The following WWOX variants were observed in gnomAD, a reference collection of about 807,000 sequenced individuals.
The protein encoded by WWOX is WW domain containing oxidoreductase.
WWOX carries 69 observed loss-of-function variants against 46.2 expected under a neutral mutation model. The observed-to-expected ratio is 1.49, with a 90% CI of 1.23 to 1.82. WWOX has a LOEUF of 1.82. Ranked by LOEUF, WWOX falls within the 40% of genes most tolerant of loss-of-function variation. The pLI is 0.00. For synonymous variants in WWOX, 359 were observed against 202.6 expected, an observed-to-expected ratio of 1.77 and a Z score of -6.56; for missense variants, 919 against 542.6, an observed-to-expected ratio of 1.69 and a Z score of -6.89.
intron 3 of WWOX, among the ~76,000 whole-genome samples, chr16:78,112,520 T>C (rs908982729): frequency 3.3e-5 from 5 of 152,118 alleles, no homozygotes; most frequent in African/African-American, 1.2e-4. Flanking sequence ...CAGGCCACCA[T>C]AGGCAGCCCC....
intron 8 of WWOX, among the ~76,000 whole-genome samples, chr16:79,156,495 C>T (rs1168582654): frequency 2.6e-5 from 4 of 152,154 alleles, no homozygotes; most frequent in African/African-American, 7.2e-5. Flanking sequence ...AAATATTACA[C>T]AGGTGGGTTC....
At position 78,741,951 on chromosome 16, in the gene WWOX, T is replaced by C. The variant is rs143101618; in HGVS notation, c.1056+309199T>C. ...TTTTTTAGCAAAAGGATGTTCCACA[T>C]TTAACTGGACATTATCTCTGTCTCT... On this transcript the variant is annotated intron_variant, in intron 8 of 8. Transcript: ENST00000566780. 1.2e-3 allele frequency among the ~76,000 whole-genome samples: 186 copies of C among 152,314 alleles called. 2 individuals are homozygous for C. The East Asian group carries it at 0.032, about 26-fold the overall frequency.
In WWOX at chr16:78,980,503, C is replaced by T. The variant is rs181118825; in HGVS notation, c.1057-231105C>T. 3.6e-3 allele frequency among the ~76,000 whole-genome samples: 543 copies of T among 152,288 alleles called. 4 individuals are homozygous for T. Among genetic ancestry groups the T allele is most frequent in the African/African-American group, 0.013 (531 of 41,568 alleles). On this transcript the variant is annotated intron_variant, in intron 8 of 8. Coordinates refer to ENST00000566780, the MANE Select transcript of WWOX (RefSeq NM_016373.4). Reference sequence around the variant, plus strand: ...TGCCGCAGTTAATTAAATTGACTGCCTGGCAATCCAGTCTCAATTAAAATA... The same window carrying T: ...TGCCGCAGTTAATTAAATTGACTGCTTGGCAATCCAGTCTCAATTAAAATA...
At chr16:78,536,473 C>T (rs1273232302) in intron 8 of WWOX, among the ~76,000 whole-genome samples, 1 of 151,990 alleles carries the variant, frequency 6.6e-6, no homozygotes, top group African/African-American at 2.4e-5. Flanking sequence ...GCTGGGTTCT[C>T]TCTGCTTTAG....
chr16:78,900,912 A>G (rs1168660853), intron 8 of WWOX, among the ~76,000 whole-genome samples: 2 of 151,648 alleles, frequency 1.3e-5, no homozygotes, highest in Non-Finnish European at 2.9e-5. Context: ...GATTCATCCC[A>G]TATTCTCTTT....
intron 6 of WWOX, among the ~76,000 whole-genome samples, chr16:78,420,651 A>ATGGT (rs75985674): frequency 0.024 from 3,326 of 139,136 alleles, 122 homozygotes; most frequent in East Asian, 0.1. Context: ...GTGATTGCTA[A>ATGGT]TTTTTTTTTT....
intron 3 of WWOX, 131 bp from the exon 4 acceptor site, chr16:78,114,845 A>C: frequency 8.8e-7 from 1 of 1,133,068 alleles, no homozygotes; most frequent in Non-Finnish European, 1.3e-6. Context: ...AGTGGGCCCC[A>C]GTTCTTTCAG....
intron 8 of WWOX, among the ~76,000 whole-genome samples, chr16:79,180,217 A>AGG (rs1475809654): frequency 2.0e-5 from 3 of 151,908 alleles, no homozygotes; most frequent in East Asian, 1.9e-4. Context: ...AGAGAGAGAG[A>AGG]TCAGTAATTT....
At chr16:78,187,399 T>A (rs2035743611) in intron 5 of WWOX, among the ~76,000 whole-genome samples, 1 of 152,112 alleles carries the variant, frequency 6.6e-6, no homozygotes, top group African/African-American at 2.4e-5. Flanking sequence ...TCACTTGAGG[T>A]CGGGAGTTCT....
Position 78,645,599 on chromosome 16 carries a change from A to G in WWOX, c.1056+212847A>G, listed in dbSNP as rs566758256. Among the ~76,000 whole-genome samples the G allele has an allele frequency of 3.3e-5, 5 of 152,184 alleles. No individual in the cohort carries two copies. The East Asian group carries it at 5.8e-4, about 18-fold the overall frequency. ...CAGCATGTTCAGAGAACATATAGGG[A>G]GAAAGGGAGCAAGAGAGGGGAGGGG... On this transcript the variant is annotated intron_variant, in intron 8 of 8. Transcript: ENST00000566780.
intron 8 of WWOX, among the ~76,000 whole-genome samples, chr16:78,836,569 A>T (rs2051990845): frequency 6.6e-6 from 1 of 152,184 alleles, no homozygotes; most frequent in Non-Finnish European, 1.5e-5. Flanking sequence ...GAGAATGAGC[A>T]TTCCTCAGTT....
At chr16:78,934,209 A>G (rs1410675191) in intron 8 of WWOX, among the ~76,000 whole-genome samples, 1 of 151,648 alleles carries the variant, frequency 6.6e-6, no homozygotes, top group Non-Finnish European at 1.5e-5. Flanking sequence ...ATGGTGGCAC[A>G]TCCCTGTAAT....
chr16:78,923,799 T>G lies in WWOX; in HGVS notation c.1057-287809T>G, dbSNP rs868436135. 3.5e-3 allele frequency among the ~76,000 whole-genome samples: 485 copies of G among 138,938 alleles called. 7 individuals are homozygous for G. Among genetic ancestry groups the G allele is most frequent in the Middle Eastern group, 0.018 (5 of 280 alleles). The allele number at this position is 138,938 out of a possible 152,430, so 91.1% of individuals were successfully genotyped here. A position where few individuals can be genotyped will look rare whatever the true frequency, so the allele number is the denominator to read the frequency against. ...CTAGGAACTGTTTTTAGTTAGTTTTTTTTTTTTTTTTTTTTTTTCAGACGG... is the reference window on the plus strand; with the variant it reads ...CTAGGAACTGTTTTTAGTTAGTTTTGTTTTTTTTTTTTTTTTTTCAGACGG... On this transcript the variant is annotated intron_variant, in intron 8 of 8. Coordinates refer to ENST00000566780, the MANE Select transcript of WWOX (RefSeq NM_016373.4).
intron 8 of WWOX, among the ~76,000 whole-genome samples, chr16:78,679,824 C>T (rs998483472): frequency 2.6e-5 from 4 of 152,212 alleles, no homozygotes; most frequent in Non-Finnish European, 5.9e-5. Context: ...AAGAGACACT[C>T]AGAGTCAACT....
intron 5 of WWOX, among the ~76,000 whole-genome samples, chr16:78,166,257 C>T (rs925545865): frequency 6.6e-6 from 1 of 151,848 alleles, no homozygotes; most frequent in East Asian, 1.9e-4. Context: ...AATATTCCAT[C>T]ATGTGCTTAT....
intron 5 of WWOX, among the ~76,000 whole-genome samples, chr16:78,208,387 C>A (rs920753709): frequency 6.6e-6 from 1 of 152,028 alleles, no homozygotes; most frequent in South Asian, 2.1e-4. Context: ...AAAAACATAC[C>A]GTTACATATG....
rs377106054 is a variant in WWOX at position 78,108,430 on chromosome 16, G to A, written c.115G>A (p.Glu39Lys). The change falls in exon 2 of 9, where the codon GAG becomes AAG. Residue 39 changes from glutamate (E) to lysine (K), a missense_variant. Transcript: ENST00000566780. ...DGWVYYANHT[E>K]EKTQWEHPKT... ...TTTTTTGTTTTTTAACAGTCACACC[G>A]AGGAGAAGACTCAGTGGGAACATCC... The A allele has an allele frequency of 6.8e-6, 11 of 1,612,990 alleles. No individual in the cohort carries two copies. The highest frequency in any genetic ancestry group is 7.6e-6 in the Non-Finnish European group (9 of 1,179,666).
At chr16:78,628,860 C>G (rs1298039929) in intron 8 of WWOX, among the ~76,000 whole-genome samples, 1 of 152,192 alleles carries the variant, frequency 6.6e-6, no homozygotes, top group African/African-American at 2.4e-5. Flanking sequence ...TAAGAGGCCA[C>G]TGTTGTGAAT....
At chr16:79,008,487 C>T (rs1034014569) in intron 8 of WWOX, among the ~76,000 whole-genome samples, 2 of 152,242 alleles carry the variant, frequency 1.3e-5, no homozygotes, top group South Asian at 2.1e-4. Flanking sequence ...CAGTTGCCGC[C>T]CACACTCAAG....
Sources: gnomAD v4.1 joint callset for allele counts (sites outside exome capture counted in the v4.1 genomes callset) on GRCh38, gnomAD v4.1.1 for gene constraint, MANE v1.5 for transcripts, NCBI Gene and HGNC (gene_info 2026-07-23, HGNC 2026-07-21) for gene names.